The following ASCL1 variants were observed in gnomAD, a reference collection of about 807,000 sequenced individuals.
ASCL1 encodes achaete-scute homolog 1.
A neutral mutation model predicts 16.1 loss-of-function variants in ASCL1; 2 were observed. The ratio of observed to expected loss-of-function variants is 0.12; its 90% confidence interval spans 0.05 to 0.39. The LOEUF is 0.39. ASCL1 is among the 10% of genes least tolerant of loss of function. The probability of loss-of-function intolerance (pLI) is 0.99; values close to 1 mark genes in which losing one functional copy is unlikely to be tolerated. For synonymous variants in ASCL1, 165 were observed against 155.7 expected, an observed-to-expected ratio of 1.06 and a Z score of -0.45; for missense variants, 276 against 336.9, an observed-to-expected ratio of 0.82 and a Z score of 1.41.
chr12:102,959,005 A>AG lies in ASCL1; in HGVS notation c.*47+5dup. The AG allele has an allele frequency of 6.2e-7, 1 of 1,612,246 alleles. No homozygotes were observed. Among genetic ancestry groups the AG allele is most frequent in the Non-Finnish European group, 8.5e-7 (1 of 1,179,894 alleles). ...GTGCGAATGGACTTTGGAAGCAGGTAGGTTGCATTTTGGGGTGGGCAGGGG... is the reference window on the plus strand; with the variant it reads ...GTGCGAATGGACTTTGGAAGCAGGTAGGGTTGCATTTTGGGGTGGGCAGGGG... On this transcript the variant is annotated splice_donor_region_variant and intron_variant, in intron 1 of 1. Coordinates refer to ENST00000266744, the MANE Select transcript of ASCL1 (RefSeq NM_004316.4).
rs1370470930 is a variant in ASCL1, at chr12:102,958,164, T to A, written c.-81T>A. 1.8e-6 allele frequency: 2 copies of A among 1,126,158 alleles called. No individual in the cohort carries two copies. The highest frequency in any genetic ancestry group is 2.3e-6 in the Non-Finnish European group (2 of 852,750). 69.8% of individuals were successfully genotyped at this position (1,126,158 alleles called of 1,614,324 possible). On this transcript the variant is annotated 5_prime_UTR_variant, in exon 1 of 2. Transcript: ENST00000266744. ...TCCCTCTCTGTTCCTGCACCCAAGTTCTCTCTGTGTCCCCCTCGCGGGCCC... is the reference window on the plus strand; with the variant it reads ...TCCCTCTCTGTTCCTGCACCCAAGTACTCTCTGTGTCCCCCTCGCGGGCCC...
At position 102,958,269 on chromosome 12, in the gene ASCL1, A is replaced by G. The variant is rs2136784885; in HGVS notation, c.25A>G (p.Ser9Gly). The G allele has an allele frequency of 5.4e-6, 8 of 1,474,200 alleles. No individual in the cohort carries two copies. The South Asian group carries it at 1.0e-4, about 19-fold the overall frequency. 91.3% of individuals were successfully genotyped at this position (1,474,200 alleles called of 1,614,324 possible). ...CATGGAAAGCTCTGCCAAGATGGAG[A>G]GCGGCGGCGCCGGCCAGCAGCCCCA... MESSAKME[S>G]GGAGQQPQPQ... The change falls in exon 1 of 2, where the codon AGC becomes GGC. Residue 9 changes from serine to glycine, a missense_variant. Transcript: ENST00000266744.
rs776116075 is a variant in ASCL1, at chr12:102,959,915, T to C, written c.*601T>C. The stretch of plus-strand genomic sequence containing the variant: ...TCCAGGGCCCGATTCCCAAACCCCA[T>C]GGCTTCCCTCACACTGTCTTTTCTA... On this transcript the variant is annotated 3_prime_UTR_variant, in exon 2 of 2. Coordinates refer to ENST00000266744, the MANE Select transcript of ASCL1 (RefSeq NM_004316.4). 1 of 152,402 alleles carries C rather than the reference T, an allele frequency of 6.6e-6. No homozygotes were observed. The highest frequency in any genetic ancestry group is 1.9e-4 in the East Asian group (1 of 5,198). 9.4% of individuals were successfully genotyped at this position (152,402 alleles called of 1,614,324 possible).
Position 102,958,534 on chromosome 12 carries a change from T to C in ASCL1, c.290T>C (p.Met97Thr). The change falls in exon 1 of 2, where the codon ATG (methionine) becomes ACG (threonine). Residue 97 changes from methionine to threonine, a missense_variant. Met to Thr is a moderately conservative substitution (Grantham distance 81). Transcript: ENST00000266744. ...KRQRSSSPEL[M>T]RCKRRLNFSG... ...CAGCGCTCGTCTTCGCCCGAACTGA[T>C]GCGCTGCAAACGCCGGCTCAACTTC... 1 of 1,609,762 alleles carries C rather than the reference T, an allele frequency of 6.2e-7. No individual in the cohort carries two copies. Among genetic ancestry groups the C allele is most frequent in the Non-Finnish European group, 8.5e-7 (1 of 1,178,218 alleles).
At position 102,958,968 on chromosome 12, in the gene ASCL1, G is replaced by T. The variant is rs1333846198; in HGVS notation, c.*13G>T. 1.1e-5 allele frequency: 18 copies of T among 1,613,392 alleles called. No homozygotes were observed. The highest frequency in any genetic ancestry group is 2.7e-5 in the African/African-American group (2 of 75,072). ...CAACTGGTTCTGAGGGGCTCGGCCT[G>T]GTCAGGCCCTGGTGCGAATGGACTT... On this transcript the variant is annotated 3_prime_UTR_variant, in exon 1 of 2. Coordinates refer to ENST00000266744, the MANE Select transcript of ASCL1 (RefSeq NM_004316.4).
At chr12:102,959,057 G>A in intron 1 of ASCL1, 55 bp downstream of exon 1, 2 of 1,535,714 alleles carry the variant, frequency 1.3e-6, no homozygotes, top group Non-Finnish European at 1.8e-6. Context: ...TCCTCCCTCT[G>A]AGTGTCTGTG....
chr12:102,958,854 A>G lies in ASCL1; in HGVS notation c.610A>G (p.Met204Val). 6.2e-7 allele frequency: 1 copy of G among 1,613,860 alleles called. No individual in the cohort carries two copies. The change falls in exon 1 of 2, where the codon ATG (methionine) becomes GTG (valine). Residue 204 changes from methionine (M) to valine (V), a missense_variant. Around this residue, in one of 3 missense-constraint regions of ASCL1, gnomAD observed 68 missense variants for 86.7 expected, o/e 0.78. Coordinates refer to ENST00000266744, the MANE Select transcript of ASCL1 (RefSeq NM_004316.4). ...SPNYSNDLNS[M>V]AGSPVSSYSS... ...CAACTACTCCAACGACTTGAACTCC[A>G]TGGCCGGCTCGCCGGTCTCATCCTA... is the stretch of plus-strand genomic sequence containing the variant.
chr12:102,958,364 CG>C lies in ASCL1; in HGVS notation c.121del (p.Ala41GlnfsTer26). The C allele has an allele frequency of 7.0e-7, 1 of 1,437,992 alleles. No homozygotes were observed. Among genetic ancestry groups the C allele is most frequent in the African/African-American group, 1.5e-5 (1 of 66,110 alleles). The allele number at this position is 1,437,992 out of a possible 1,614,324, so 89.1% of individuals were successfully genotyped here. A position where few individuals can be genotyped will look rare whatever the true frequency, so the allele number is the denominator to read the frequency against. On this transcript the variant is annotated frameshift_variant, in exon 1 of 2. Coordinates refer to ENST00000266744, the MANE Select transcript of ASCL1 (RefSeq NM_004316.4). LOFTEE classifies it high-confidence loss of function. ...FFATAAAAAA[A>X]AAAAAAQSAQ... Reference sequence around the variant, plus strand: ...TTGCCACGGCCGCAGCCGCGGCGGCCGCAGCCGCCGCAGCGGCAGCGCAGAG... The same window carrying C: ...TTGCCACGGCCGCAGCCGCGGCGGCCCAGCCGCCGCAGCGGCAGCGCAGAG...
rs114008066 is a variant in ASCL1 at position 102,959,305 on chromosome 12, C to T, written c.*48-57C>T. On this transcript the variant is annotated intron_variant, in intron 1 of 1. Transcript: ENST00000266744. ...TCTTTCCCCAGACCTCCATCTCCCT[C>T]TACCACTAGCCTACACGTTCAAATT... is the stretch of plus-strand genomic sequence containing the variant. 935 of 354,766 alleles carry T rather than the reference C, an allele frequency of 2.6e-3. 15 individuals carry two copies. Among genetic ancestry groups the T allele is most frequent in the African/African-American group, 0.019 (904 of 47,574 alleles). 22.0% of individuals were successfully genotyped at this position (354,766 alleles called of 1,614,324 possible). A position where few individuals can be genotyped will look rare whatever the true frequency, so the allele number is the denominator to read the frequency against.
At position 102,958,489 on chromosome 12, in the gene ASCL1, C is replaced by A. The variant is rs750498383; in HGVS notation, c.245C>A (p.Ala82Glu). Residue 82 changes from alanine to glutamate, a missense_variant, in exon 1 of 2, where the codon GCG becomes GAG. Around this residue, in one of 3 missense-constraint regions of ASCL1, gnomAD observed 178 missense variants for 167.0 expected, o/e 1.07. Coordinates refer to ENST00000266744, the MANE Select transcript of ASCL1 (RefSeq NM_004316.4). Reference protein sequence around the residue: ...GQPSGGGHKSAPKQVKRQRSS... With the variant: ...GQPSGGGHKSEPKQVKRQRSS... Reference sequence around the variant, plus strand: ...CCCTCAGGGGGCGGTCACAAGTCAGCGCCCAAGCAAGTCAAGCGACAGCGC... The same window carrying A: ...CCCTCAGGGGGCGGTCACAAGTCAGAGCCCAAGCAAGTCAAGCGACAGCGC... 6.9e-6 allele frequency: 11 copies of A among 1,590,026 alleles called. No individual in the cohort carries two copies. Among genetic ancestry groups the A allele is most frequent in the African/African-American group, 4.0e-5 (3 of 74,330 alleles).
chr12:102,958,373 C>G lies in ASCL1; in HGVS notation c.129C>G (p.Ala43=), dbSNP rs759304276. 7.0e-5 allele frequency: 102 copies of G among 1,447,522 alleles called. No individual in the cohort carries two copies. The highest frequency in any genetic ancestry group is 8.8e-5 in the Non-Finnish European group (97 of 1,105,026). 89.7% of individuals were successfully genotyped at this position (1,447,522 alleles called of 1,614,324 possible). ...ATAAAAAAAA[A]AAAAQSAQQQ... is the part of the protein sequence containing the mutation. ...CCGCAGCCGCGGCGGCCGCAGCCGC[C>G]GCAGCGGCAGCGCAGAGCGCGCAGC... Residue 43 remains alanine, a synonymous_variant, in exon 1 of 2, where the codon GCC becomes GCG. Coordinates refer to ENST00000266744, the MANE Select transcript of ASCL1 (RefSeq NM_004316.4).
chr12:102,957,931 A>G lies in ASCL1; in HGVS notation c.-314A>G. 1 of 276,648 alleles carries G rather than the reference A, an allele frequency of 3.6e-6. No homozygotes were observed. Among genetic ancestry groups the G allele is most frequent in the Non-Finnish European group, 6.7e-6 (1 of 149,238 alleles). The allele number at this position is 276,648 out of a possible 1,614,324, so 17.1% of individuals were successfully genotyped here. ...GCTTTTTTTTTTCTTAGAAACAAGA[A>G]GGCGCCAGCGGCAGCCTCACACGCG... On this transcript the variant is annotated 5_prime_UTR_variant, in exon 1 of 2. Coordinates refer to ENST00000266744, the MANE Select transcript of ASCL1 (RefSeq NM_004316.4). This position sits in a 1 kb window ranked among gnomAD's most constrained non-coding sequence, Gnocchi z 4.1.
Position 102,958,056 on chromosome 12 carries a change from C to T in ASCL1, c.-189C>T, listed in dbSNP as rs983957568. 2 of 418,938 alleles carry T rather than the reference C, an allele frequency of 4.8e-6. No homozygotes were observed. The highest frequency in any genetic ancestry group is 3.7e-5 in the East Asian group (1 of 27,232). 26.0% of individuals were successfully genotyped at this position (418,938 alleles called of 1,614,324 possible). ...AGAAAAAGCATTTTCACTTTTTTTG[C>T]TCCCACTCTAAGAAGTCTCCCGGGG... On this transcript the variant is annotated 5_prime_UTR_variant, in exon 1 of 2. Coordinates refer to ENST00000266744, the MANE Select transcript of ASCL1 (RefSeq NM_004316.4).
chr12:102,959,069 A>G (rs924608992), intron 1 of ASCL1, 67 bp downstream of exon 1: 1 of 1,489,786 alleles, frequency 6.7e-7, no homozygotes, highest in Non-Finnish European at 9.1e-7. Flanking sequence ...GTGTCTGTGG[A>G]AGTGGGGATG....
chr12:102,958,061 A>C lies in ASCL1; in HGVS notation c.-184A>C. On this transcript the variant is annotated 5_prime_UTR_variant, in exon 1 of 2. Transcript: ENST00000266744. ...AAGCATTTTCACTTTTTTTGCTCCC[A>C]CTCTAAGAAGTCTCCCGGGGATTTT... is the stretch of plus-strand genomic sequence containing the variant. The C allele has an allele frequency of 2.3e-6, 1 of 427,366 alleles. No homozygotes were observed. The allele number at this position is 427,366 out of a possible 1,614,324, so 26.5% of individuals were successfully genotyped here.
rs1300897806 is a variant in ASCL1, at chr12:102,958,961, TC to T, written c.*7del. Reference sequence around the variant, plus strand: ...ACTTCACCAACTGGTTCTGAGGGGCTCGGCCTGGTCAGGCCCTGGTGCGAAT... The same window carrying T: ...ACTTCACCAACTGGTTCTGAGGGGCTGGCCTGGTCAGGCCCTGGTGCGAAT... On this transcript the variant is annotated 3_prime_UTR_variant, in exon 1 of 2. Transcript: ENST00000266744. The T allele has an allele frequency of 6.2e-7, 1 of 1,613,506 alleles. No individual in the cohort carries two copies.
chr12:102,958,764 C>A lies in ASCL1; in HGVS notation c.520C>A (p.Leu174Met). The part of the protein sequence containing the change: ...VEYIRALQQL[L>M]DEHDAVSAAF... ...GTACATCCGCGCGCTGCAGCAGCTG[C>A]TGGACGAGCATGACGCGGTGAGCGC... The change falls in exon 1 of 2, where the codon CTG (leucine) becomes ATG (methionine). Residue 174 changes from leucine (L) to methionine (M), a missense_variant. Leu to Met is a conservative substitution (Grantham distance 15). This residue lies in a region of ASCL1 where 68 missense variants were observed against 86.7 expected (regional missense o/e 0.78). Transcript: ENST00000266744. 1 of 1,614,130 alleles carries A rather than the reference C, an allele frequency of 6.2e-7. No individual in the cohort carries two copies. Among genetic ancestry groups the A allele is most frequent in the Non-Finnish European group, 8.5e-7 (1 of 1,180,042 alleles).
chr12:102,958,353 G>C lies in ASCL1; in HGVS notation c.109G>C (p.Ala37Pro), dbSNP rs1879998821. 2 of 1,427,474 alleles carry C rather than the reference G, an allele frequency of 1.4e-6. No individual in the cohort carries two copies. The highest frequency in any genetic ancestry group is 1.8e-6 in the Non-Finnish European group (2 of 1,095,684). 88.4% of individuals were successfully genotyped at this position (1,427,474 alleles called of 1,614,324 possible). A position where few individuals can be genotyped will look rare whatever the true frequency, so the allele number is the denominator to read the frequency against. ...AGCCTGTTTCTTTGCCACGGCCGCA[G>C]CCGCGGCGGCCGCAGCCGCCGCAGC... ...PAACFFATAA[A>P]AAAAAAAAAA... The change falls in exon 1 of 2, where the codon GCC becomes CCC. Residue 37 changes from alanine to proline, a missense_variant. Ala to Pro is a conservative substitution (Grantham distance 27). Around this residue, in one of 3 missense-constraint regions of ASCL1, gnomAD observed 178 missense variants for 167.0 expected, o/e 1.07. Transcript: ENST00000266744.
chr12:102,958,529 A>G lies in ASCL1; in HGVS notation c.285A>G (p.Glu95=). ...QVKRQRSSSP[E]LMRCKRRLNF... ...AGCGACAGCGCTCGTCTTCGCCCGA[A>G]CTGATGCGCTGCAAACGCCGGCTCA... Residue 95 remains glutamate (E), a synonymous_variant, in exon 1 of 2, where the codon GAA becomes GAG. Transcript: ENST00000266744. The G allele has an allele frequency of 1.2e-6, 2 of 1,609,446 alleles. No individual in the cohort carries two copies. Among genetic ancestry groups the G allele is most frequent in the Middle Eastern group, 3.3e-4 (2 of 6,052 alleles).
Sources: allele counts gnomAD v4.1 joint callset, GRCh38; gene constraint gnomAD v4.1.1; regional missense constraint gnomAD v4.1.1; non-coding constraint Gnocchi (gnomAD v3.1); transcripts MANE v1.5; gene names NCBI Gene and HGNC (gene_info 2026-07-23, HGNC 2026-07-21).